ADGRB3: variants seen among roughly 807,000 people sequenced by gnomAD.
The protein encoded by ADGRB3 is brain-specific angiogenesis inhibitor 3.
Under a neutral mutation model 193.4 loss-of-function variants are expected in ADGRB3, and 37 were observed. The observed-to-expected ratio is 0.19, with a 90% CI of 0.15 to 0.25. ADGRB3 has a LOEUF of 0.25. Ranked by LOEUF, ADGRB3 falls within the 10% of genes least tolerant of loss-of-function variation. The pLI, the probability that ADGRB3 is intolerant of heterozygous loss-of-function variation, is 1.00. For missense variants in ADGRB3, 1,637 were observed against 1,852.9 expected (o/e 0.88, Z 2.14); for synonymous variants, 690 against 644.2 (o/e 1.07, Z -1.08).
intron 3 of ADGRB3, among the ~76,000 whole-genome samples, chr6:68,821,601 G>T (rs1346577246): frequency 1.3e-5 from 2 of 151,248 alleles, no homozygotes; most frequent in South Asian, 2.1e-4. Context: ...AAAAAAATTT[G>T]AGTTTTGAGT....
intron 3 of ADGRB3, among the ~76,000 whole-genome samples, chr6:68,817,211 A>G (rs1046290722): frequency 1.3e-5 from 2 of 149,506 alleles, no homozygotes; most frequent in African/African-American, 4.9e-5. Flanking sequence ...AAAACTCTGT[A>G]TCCTGCTTGA....
intron 3 of ADGRB3, among the ~76,000 whole-genome samples, chr6:68,910,818 A>G (rs1488342812): frequency 6.6e-6 from 1 of 152,110 alleles, no homozygotes; most frequent in Non-Finnish European, 1.5e-5. Context: ...GCCTTGTAGT[A>G]TAGTTTGAAG....
In ADGRB3 at chr6:68,849,026, A is replaced by AT. The variant is rs575498970; in HGVS notation, c.758-81527dup. 2.1e-3 allele frequency among the ~76,000 whole-genome samples: 316 copies of AT among 152,088 alleles called. 5 individuals carry two copies. Among genetic ancestry groups the AT allele is most frequent in the African/African-American group, 5.2e-3 (218 of 41,564 alleles). ...AAAAGAGTACATATAAGATTGATTAATTTTTTAGGAAAGGTTAAATGCTCA... is the reference window on the plus strand; with the variant it reads ...AAAAGAGTACATATAAGATTGATTAATTTTTTTAGGAAAGGTTAAATGCTCA... On this transcript the variant is annotated intron_variant, in intron 3 of 31. Coordinates refer to ENST00000370598, the MANE Select transcript of ADGRB3 (RefSeq NM_001704.3).
At chr6:68,806,300 A>G (rs901931888) in intron 3 of ADGRB3, among the ~76,000 whole-genome samples, 4 of 152,220 alleles carry the variant, frequency 2.6e-5, no homozygotes, top group Admixed American at 2.6e-4. Flanking sequence ...TGAAATCTTA[A>G]CATATCTTAC....
chr6:68,812,680 T>C (rs1192647106), intron 3 of ADGRB3, among the ~76,000 whole-genome samples: 1 of 152,158 alleles, frequency 6.6e-6, no homozygotes, highest in Admixed American at 6.5e-5. Flanking sequence ...TCTTTTTTTT[T>C]TCTTTTTCTT....
chr6:69,376,012 CT>C (rs1233588631), intron 30 of ADGRB3, among the ~76,000 whole-genome samples: 1 of 139,348 alleles, frequency 7.2e-6, no homozygotes, highest in East Asian at 2.2e-4. Flanking sequence ...ACGGATATGT[CT>C]TTTTTAATCT....
intron 17 of ADGRB3, among the ~76,000 whole-genome samples, chr6:69,103,933 A>G (rs150335243): frequency 5.3e-5 from 8 of 152,116 alleles, no homozygotes; most frequent in African/African-American, 1.9e-4. Context: ...GGATGCTCTC[A>G]GTATTTAAAT....
chr6:68,741,759 G>T (rs893450471), intron 3 of ADGRB3, among the ~76,000 whole-genome samples: 1 of 152,188 alleles, frequency 6.6e-6, no homozygotes, highest in Non-Finnish European at 1.5e-5. Context: ...CAAACTGGCT[G>T]ATTAAGGTGA....
At chr6:68,746,209 G>A (rs1651938841) in intron 3 of ADGRB3, among the ~76,000 whole-genome samples, 1 of 151,576 alleles carries the variant, frequency 6.6e-6, no homozygotes, top group South Asian at 2.1e-4. Context: ...ATTTTAAAAT[G>A]TTTACTAATG....
intron 3 of ADGRB3, among the ~76,000 whole-genome samples, chr6:68,673,087 T>C (rs1041642181): frequency 6.6e-6 from 1 of 152,090 alleles, no homozygotes; most frequent in Non-Finnish European, 1.5e-5. Flanking sequence ...TGCATCTGTC[T>C]GTGTGTATGT....
chr6:69,104,795 T>G (rs1773163704), intron 17 of ADGRB3, among the ~76,000 whole-genome samples: 1 of 152,124 alleles, frequency 6.6e-6, no homozygotes, highest in Non-Finnish European at 1.5e-5. Flanking sequence ...TATTTAAAAA[T>G]TTATATTTAA....
chr6:68,700,646 T>C (rs771555821), intron 3 of ADGRB3, among the ~76,000 whole-genome samples: 9 of 151,732 alleles, frequency 5.9e-5, no homozygotes, highest in Non-Finnish European at 1.2e-4. Context: ...TGTCATGGAA[T>C]TGAGGAAATT....
chr6:69,358,302 T>G (rs1401058714), intron 28 of ADGRB3, among the ~76,000 whole-genome samples: 1 of 151,872 alleles, frequency 6.6e-6, no homozygotes, highest in African/African-American at 2.4e-5. Context: ...TAGGAACTAG[T>G]TATAAGCCAT....
At chr6:69,305,983 A>G (rs1029853686) in intron 20 of ADGRB3, among the ~76,000 whole-genome samples, 5 of 151,534 alleles carry the variant, frequency 3.3e-5, no homozygotes, top group South Asian at 2.1e-4. Flanking sequence ...ATTGTATTAT[A>G]TATTGTAAGT....
chr6:69,125,216 G>A (rs1317080003), intron 17 of ADGRB3, among the ~76,000 whole-genome samples: 1 of 152,128 alleles, frequency 6.6e-6, no homozygotes, highest in Non-Finnish European at 1.5e-5. Context: ...CAGAAGTCCA[G>A]AGTTCCCTTA....
intron 6 of ADGRB3, among the ~76,000 whole-genome samples, chr6:68,955,685 A>C (rs527863225): frequency 6.6e-6 from 1 of 152,198 alleles, no homozygotes; most frequent in South Asian, 2.1e-4. Flanking sequence ...CCAACTACTC[A>C]GGAGGCTGAG....
At chr6:69,240,115 A>G (rs1196042814) in intron 20 of ADGRB3, among the ~76,000 whole-genome samples, 1 of 152,102 alleles carries the variant, frequency 6.6e-6, no homozygotes, top group African/African-American at 2.4e-5. Context: ...ATATATTCAT[A>G]GGACATGTAT....
intron 13 of ADGRB3, among the ~76,000 whole-genome samples, chr6:69,028,353 G>T (rs1434616197): frequency 6.6e-6 from 1 of 151,922 alleles, no homozygotes; most frequent in African/African-American, 2.4e-5. Flanking sequence ...GTTTGTTTTT[G>T]TTTTTAATAA....
intron 17 of ADGRB3, among the ~76,000 whole-genome samples, chr6:69,094,191 G>A (rs971416567): frequency 1.3e-5 from 2 of 152,156 alleles, no homozygotes; most frequent in African/African-American, 4.8e-5. Flanking sequence ...GAGAAAAGTT[G>A]AGAATGAGTC....
Sources: gnomAD v4.1 joint callset for allele counts (sites outside exome capture counted in the v4.1 genomes callset) on GRCh38, gnomAD v4.1.1 for gene constraint, MANE v1.5 for transcripts, NCBI Gene and HGNC (gene_info 2026-07-23, HGNC 2026-07-21) for gene names.